The following KLK8 variants were observed in gnomAD, a reference collection of about 807,000 sequenced individuals.
KLK8 encodes the protein kallikrein related peptidase 8.
In KLK8, 18 loss-of-function variants were observed where a neutral mutation model predicts 26.7. The ratio of observed to expected loss-of-function variants is 0.67; its 90% CI spans 0.47 to 1.00. The LOEUF (loss-of-function observed/expected upper bound fraction) is 1.00, where lower values mean the gene tolerates loss of function less well. Among genes scored for constraint, KLK8 ranks in the 50% least tolerant of loss-of-function variants. The probability of loss-of-function intolerance (pLI) is 0.00; values close to 1 mark genes in which losing one functional copy is unlikely to be tolerated. For synonymous variants in KLK8, 137 were observed against 127.1 expected, an observed-to-expected ratio of 1.08 and a Z score of -0.52; for missense variants, 301 against 331.7, an observed-to-expected ratio of 0.91 and a Z score of 0.72.
intron 6 of KLK8, among the ~76,000 whole-genome samples, chr19:50,996,987 A>G (rs1722561): frequency 0.51 from 77,192 of 150,666 alleles, 21,220 homozygotes; most frequent in African/African-American, 0.71. Context: ...AGAGACCACT[A>G]TCTCTACAGA....
intron 6 of KLK8, among the ~76,000 whole-genome samples, chr19:50,996,937 C>T (rs927742023): frequency 7.0e-5 from 10 of 143,646 alleles, no homozygotes; most frequent in Non-Finnish European, 1.5e-4. Flanking sequence ...CACACACACA[C>T]ACCATATCCC....
At chr19:51,001,269 C>G in intron 2 of KLK8, 94 bp from the exon 2 acceptor site, 1 of 1,063,596 alleles carries the variant, frequency 9.4e-7, no homozygotes, top group Non-Finnish European at 1.4e-6. Flanking sequence ...CCGAGAGTAT[C>G]TGGGGCTGTT....
chr19:50,996,370 T>C (rs2091166358), intron 6 of KLK8, among the ~76,000 whole-genome samples, 156 bp from the exon 6 acceptor site: 1 of 152,168 alleles, frequency 6.6e-6, no homozygotes, highest in African/African-American at 2.4e-5. Flanking sequence ...GGACAGGGCT[T>C]GGGGCTTCCA....
chr19:50,998,170 G>T (rs2122318983), intron 5 of KLK8, among the ~76,000 whole-genome samples: 1 of 152,152 alleles, frequency 6.6e-6, no homozygotes, highest in East Asian at 1.9e-4. Context: ...ACTTGGAGGT[G>T]CCCCTTTATG....
At chr19:50,996,506 G>A (rs1243731625) in intron 6 of KLK8, among the ~76,000 whole-genome samples, 1 of 152,016 alleles carries the variant, frequency 6.6e-6, no homozygotes, top group African/African-American at 2.4e-5. Context: ...GGCCGAGGCG[G>A]TAGATCACTT....
exon 6 of KLK8, chr19:50,997,846 T>G: frequency 6.2e-7 from 1 of 1,614,154 alleles, no homozygotes. Context: ...TGGGGAAAGA[T>G]TTTTACTTCT....
At chr19:51,000,979 G>T (rs576083677) in intron 3 of KLK8, 119 bp downstream of exon 2, 4 of 991,138 alleles carry the variant, frequency 4.0e-6, no homozygotes, top group Non-Finnish European at 6.0e-6. Context: ...GCACCGTATC[G>T]CACTCTTCAC....
chr19:51,001,016 C>T (rs2091219640), intron 3 of KLK8, 82 bp downstream of exon 2: 4 of 1,302,422 alleles, frequency 3.1e-6, no homozygotes, highest in South Asian at 2.5e-5. Context: ...CCACATAACC[C>T]CCGCGGCATT....
At chr19:50,997,605 G>T in intron 6 of KLK8, 146 bp downstream of exon 5, 1 of 896,788 alleles carries the variant, frequency 1.1e-6, no homozygotes. Context: ...TCTGAACCTG[G>T]CTCCCAATCC....
exon 4 of KLK8, chr19:51,000,462 A>G: frequency 1.2e-6 from 2 of 1,613,148 alleles, no homozygotes; most frequent in South Asian, 2.2e-5. Flanking sequence ...CCCAGTTGCC[A>G]CCTACAAGGA....
chr19:50,999,882 T>C (rs150453126), intron 5 of KLK8, 114 bp downstream of exon 4: 2 of 1,121,356 alleles, frequency 1.8e-6, no homozygotes, highest in Non-Finnish European at 2.5e-6. Context: ...CTCAACATCA[T>C]GATCACTTTC....
chr19:50,996,897 C>A (rs1475058849), intron 6 of KLK8, among the ~76,000 whole-genome samples: 1 of 81,824 alleles, frequency 1.2e-5, no homozygotes. Context: ...CTTATGGACA[C>A]ACACACACAC....
At chr19:50,996,782 T>C (rs1054454781) in intron 6 of KLK8, among the ~76,000 whole-genome samples, 1 of 143,574 alleles carries the variant, frequency 7.0e-6, no homozygotes, top group Non-Finnish European at 1.5e-5. Context: ...GAGAAGACAG[T>C]AGGGATTACT....
At chr19:50,999,541 T>C (rs904355485) in intron 5 of KLK8, among the ~76,000 whole-genome samples, 1 of 124,488 alleles carries the variant, frequency 8.0e-6, no homozygotes, top group African/African-American at 3.1e-5. Context: ...ATTGTGCCAC[T>C]GCACTCCAGC....
At chr19:50,997,954 C>G in intron 5 of KLK8, 70 bp from the exon 5 acceptor site, 2 of 1,586,252 alleles carry the variant, frequency 1.3e-6, no homozygotes, top group Admixed American at 1.7e-5. Flanking sequence ...CTGGATCTAA[C>G]CCCCTTTCTT....
At chr19:50,997,926 C>G in intron 5 of KLK8, 42 bp from the exon 5 acceptor site, 1 of 1,610,790 alleles carries the variant, frequency 6.2e-7, no homozygotes, top group Non-Finnish European at 8.5e-7. Flanking sequence ...GAGAGCAGCC[C>G]TTTGCCTCCA....
At chr19:50,998,035 C>T in intron 5 of KLK8, 151 bp from the exon 5 acceptor site, 1 of 846,660 alleles carries the variant, frequency 1.2e-6, no homozygotes, top group Non-Finnish European at 1.8e-6. Flanking sequence ...GGGGACATCA[C>T]TTCTCACCAC....
exon 7 of KLK8, chr19:50,996,071 G>T (rs2091162465): frequency 6.2e-7 from 1 of 1,614,180 alleles, no homozygotes; most frequent in Non-Finnish European, 8.5e-7. Context: ...AGCCCTTGCT[G>T]CCTATGATCT....
exon 7 of KLK8, chr19:50,996,144 C>G (rs1346477622): frequency 6.2e-7 from 1 of 1,614,234 alleles, no homozygotes; most frequent in South Asian, 1.1e-5. Context: ...GGACCTCCCA[C>G]AGGGGTCTGA....
Sources: gnomAD v4.1 joint callset for allele counts (sites outside exome capture counted in the v4.1 genomes callset) on GRCh38, gnomAD v4.1.1 for gene constraint, MANE v1.5 for transcripts, NCBI Gene and HGNC (gene_info 2026-07-23, HGNC 2026-07-21) for gene names.